TNPO3: variants seen among roughly 807,000 people sequenced by gnomAD.
The protein encoded by TNPO3 is transportin-3.
A neutral mutation model predicts 122.8 loss-of-function variants in TNPO3; 65 were observed. The ratio of observed to expected loss-of-function variants is 0.53; its 90% CI spans 0.43 to 0.65. TNPO3 has a LOEUF of 0.65. Ranked by LOEUF, TNPO3 falls within the 30% of genes least tolerant of loss-of-function variation. The probability of loss-of-function intolerance (pLI) is 0.00; values close to 1 mark genes in which losing one functional copy is unlikely to be tolerated. For synonymous variants in TNPO3, 372 were observed against 411.2 expected (o/e 0.90, Z 1.15); for missense variants, 850 against 1,136.7 (o/e 0.75, Z 3.63).
At chr7:129,032,008 A>T (rs1334074193) in intron 1 of TNPO3, among the ~76,000 whole-genome samples, 1 of 152,152 alleles carries the variant, frequency 6.6e-6, no homozygotes, top group Admixed American at 6.5e-5. Flanking sequence ...TATTGAAGGG[A>T]TTATACATCA....
chr7:128,970,289 T>C lies in TNPO3; in HGVS notation c.2457A>G (p.Lys819=), dbSNP rs1378960831. The stretch of plus-strand genomic sequence containing the variant: ...GGTTCATCACCTGTCCAATCAGTTC[T>C]TTCCGTAATTCAAAGTCTTCTTCAT... The part of the protein sequence containing the change: ...NDHEEDFELR[K]ELIGQVMNQL... Residue 819 remains lysine, a synonymous_variant, in exon 20 of 23, where the codon AAA becomes AAG. Transcript: ENST00000265388. 2.5e-6 allele frequency: 4 copies of C among 1,605,066 alleles called. No individual in the cohort carries two copies. In the South Asian group the frequency reaches 3.3e-5, roughly 13 times the overall value.
At chr7:129,015,616 C>T (rs1054456690) in intron 3 of TNPO3, among the ~76,000 whole-genome samples, 1 of 152,118 alleles carries the variant, frequency 6.6e-6, no homozygotes, top group Non-Finnish European at 1.5e-5. Flanking sequence ...AGGAGGATCA[C>T]GAGTCCACAA....
intron 1 of TNPO3, among the ~76,000 whole-genome samples, chr7:129,022,829 G>C (rs777668177): frequency 3.9e-5 from 6 of 152,140 alleles, no homozygotes; most frequent in Non-Finnish European, 7.3e-5. Context: ...CAAAAATGTA[G>C]ATATTATTCC....
At chr7:128,958,137 C>CTTTTT (rs55683535) in intron 21 of TNPO3, among the ~76,000 whole-genome samples, 4,965 of 96,054 alleles carry the variant, frequency 0.052, 450 homozygotes, top group South Asian at 0.083. Context: ...GAAGCACTTC[C>CTTTTT]TTTTTTTTTT....
At chr7:129,055,695 A>G (rs75312020), upstream of TNPO3, 8,751 of 240,966 alleles carry the variant, frequency 0.036, 807 homozygotes, top group African/African-American at 0.19. Context: ...ATACATCTTT[A>G]GGGTTATTCT....
At chr7:129,028,311 A>C (rs1328025835) in intron 1 of TNPO3, among the ~76,000 whole-genome samples, 1 of 152,200 alleles carries the variant, frequency 6.6e-6, no homozygotes, top group Non-Finnish European at 1.5e-5. Flanking sequence ...AAACTGAACT[A>C]GTATAAGAAC....
chr7:129,019,475 GAATA>G (rs1804219515), intron 1 of TNPO3, among the ~76,000 whole-genome samples: 1 of 152,148 alleles, frequency 6.6e-6, no homozygotes, highest in African/African-American at 2.4e-5. Context: ...GAAACAGGTA[GAATA>G]AATGGCTTGT....
At position 129,039,270 on chromosome 7, in the gene TNPO3, G is replaced by C. The variant is rs767194930; in HGVS notation, c.120+15381C>G. Reference sequence around the variant, plus strand: ...GCCATTCCTTGAAAGGTTAAAAATAGAGCGTTATCACCCAGGCACAGTGGC... The same window carrying C: ...GCCATTCCTTGAAAGGTTAAAAATACAGCGTTATCACCCAGGCACAGTGGC... On this transcript the variant is annotated intron_variant, in intron 1 of 22. Transcript: ENST00000265388. Among the ~76,000 whole-genome samples the C allele has an allele frequency of 5.4e-4, 82 of 152,132 alleles. 3 individuals carry two copies. Among genetic ancestry groups the C allele is most frequent in the Non-Finnish European group, 1.5e-4 (10 of 68,016 alleles).
intron 21 of TNPO3, among the ~76,000 whole-genome samples, chr7:128,963,944 C>G (rs1797697037): frequency 6.6e-6 from 1 of 152,188 alleles, no homozygotes; most frequent in Admixed American, 6.5e-5. Context: ...CCCTCCTAGT[C>G]TCACTTATAT....
intron 10 of TNPO3, among the ~76,000 whole-genome samples, chr7:128,991,721 C>T (rs1050927767): frequency 3.3e-5 from 5 of 152,192 alleles, no homozygotes; most frequent in African/African-American, 1.2e-4. Flanking sequence ...ACCATACCAA[C>T]TTTCACAAGG....
intron 15 of TNPO3, among the ~76,000 whole-genome samples, chr7:128,979,336 G>A (rs569493315): frequency 1.3e-5 from 2 of 152,180 alleles, no homozygotes; most frequent in Non-Finnish European, 2.9e-5. Context: ...TTTAGAACTG[G>A]AAGAGCATGT....
chr7:129,012,789 G>A (rs890086592), intron 4 of TNPO3, among the ~76,000 whole-genome samples: 5 of 151,916 alleles, frequency 3.3e-5, no homozygotes, highest in East Asian at 1.9e-4. Context: ...CAGATAAACC[G>A]TCTACACTTT....
At chr7:129,003,869 C>T (rs1281939084) in intron 5 of TNPO3, among the ~76,000 whole-genome samples, 1 of 152,126 alleles carries the variant, frequency 6.6e-6, no homozygotes, top group Admixed American at 6.5e-5. Flanking sequence ...TTCCAATTCC[C>T]AGAAATTACC....
intron 13 of TNPO3, among the ~76,000 whole-genome samples, 162 bp downstream of exon 13, chr7:128,984,006 T>G (rs1799897698): frequency 6.6e-6 from 1 of 152,242 alleles, no homozygotes; most frequent in African/African-American, 2.4e-5. Flanking sequence ...GAAATATTTA[T>G]TGTATGCAGC....
At chr7:129,001,277 TAAGG>T in intron 5 of TNPO3, 43 bp from the exon 6 acceptor site, 6 of 1,558,362 alleles carry the variant, frequency 3.9e-6, no homozygotes, top group African/African-American at 1.3e-5. Flanking sequence ...GTATGATCAC[TAAGG>T]AGTGATCTAC....
intron 4 of TNPO3, among the ~76,000 whole-genome samples, chr7:129,011,996 T>C (rs561388034): frequency 7.2e-6 from 1 of 138,980 alleles, no homozygotes; most frequent in Non-Finnish European, 1.6e-5. Flanking sequence ...CTTTTTTCTT[T>C]TTCTTTCTTT....
intron 22 of TNPO3, 30 bp downstream of exon 22, chr7:128,957,194 G>A (rs1461756172): frequency 1.1e-5 from 17 of 1,595,190 alleles, no homozygotes; most frequent in Middle Eastern, 1.7e-4. Context: ...CCGACAGTCC[G>A]GACAAAAGCT....
intron 21 of TNPO3, 29 bp downstream of exon 21, chr7:128,967,251 C>A: frequency 1.5e-6 from 2 of 1,348,194 alleles, no homozygotes; most frequent in Non-Finnish European, 2.1e-6. Flanking sequence ...ACATCCCACA[C>A]CTCCTTAAGA....
At chr7:128,966,801 G>C (rs1797967446) in intron 21 of TNPO3, among the ~76,000 whole-genome samples, 1 of 152,180 alleles carries the variant, frequency 6.6e-6, no homozygotes, top group Admixed American at 6.5e-5. Flanking sequence ...CCAGGCAGAT[G>C]TTCTGTTTGG....
Sources: gnomAD v4.1 joint callset for allele counts (sites outside exome capture counted in the v4.1 genomes callset) on GRCh38, gnomAD v4.1.1 for gene constraint, MANE v1.5 for transcripts, NCBI Gene and HGNC (gene_info 2026-07-23, HGNC 2026-07-21) for gene names.